The following KIAA1549 variants were observed in gnomAD, a reference collection of about 807,000 sequenced individuals.
KIAA1549 encodes the protein UPF0606 protein KIAA1549.
KIAA1549 carries 70 observed loss-of-function variants against 156.4 expected under a neutral mutation model. The ratio of observed to expected loss-of-function variants is 0.45; its 90% CI spans 0.37 to 0.55. The LOEUF is 0.55. Among genes scored for constraint, KIAA1549 ranks in the 20% least tolerant of loss-of-function variants. The pLI is 0.00. For missense variants in KIAA1549, 2,428 were observed against 2,540.9 expected (o/e 0.96, Z 0.96); for synonymous variants, 1,103 against 1,066.4 (o/e 1.03, Z -0.67).
At chr7:138,955,761 T>A (rs117261308) in intron 1 of KIAA1549, among the ~76,000 whole-genome samples, 3,522 of 152,310 alleles carry the variant, frequency 0.023, 67 homozygotes, top group Admixed American at 0.038. Context: ...AGATGATTAT[T>A]TTCTACTAAA....
chr7:138,941,752 G>A (rs922251180), intron 1 of KIAA1549, among the ~76,000 whole-genome samples: 8 of 152,192 alleles, frequency 5.3e-5, no homozygotes, highest in African/African-American at 1.9e-4. Context: ...CCACTCAGGA[G>A]AGCAATTAGC....
intron 10 of KIAA1549, among the ~76,000 whole-genome samples, chr7:138,887,689 A>G (rs996165321): frequency 1.3e-5 from 2 of 152,258 alleles, no homozygotes; most frequent in African/African-American, 4.8e-5. Context: ...CCTCGGGAAC[A>G]TCAAATAAAA....
intron 15 of KIAA1549, among the ~76,000 whole-genome samples, chr7:138,864,348 T>A (rs950795793): frequency 1.3e-5 from 2 of 152,112 alleles, no homozygotes; most frequent in Admixed American, 1.3e-4. Flanking sequence ...GATCTGCAGA[T>A]GGGAAGGACA....
intron 12 of KIAA1549, among the ~76,000 whole-genome samples, chr7:138,877,940 G>C (rs896572920): frequency 1.3e-5 from 2 of 152,092 alleles, no homozygotes; most frequent in Non-Finnish European, 2.9e-5. Context: ...CTGAAAGTAA[G>C]GTTTTCTCAG....
chr7:138,833,337 G>A lies in KIAA1549; in HGVS notation c.*4569C>T, dbSNP rs1354512685. The A allele has an allele frequency of 1.3e-5, 3 of 232,522 alleles. No individual in the cohort carries two copies. Among genetic ancestry groups the A allele is most frequent in the Non-Finnish European group, 2.5e-5 (3 of 117,664 alleles). 14.4% of individuals were successfully genotyped at this position (232,522 alleles called of 1,614,324 possible). On this transcript the variant is annotated 3_prime_UTR_variant, in exon 20 of 20. Coordinates refer to ENST00000422774, the MANE Select transcript of KIAA1549 (RefSeq NM_001164665.2). ...AACTAATTTGTGAATTACTGCCAATGCACTGCAAATCAGTGTCCGAATGAC... is the reference window on the plus strand; with the variant it reads ...AACTAATTTGTGAATTACTGCCAATACACTGCAAATCAGTGTCCGAATGAC...
At chr7:138,925,347 T>C (rs1812682145) in intron 1 of KIAA1549, among the ~76,000 whole-genome samples, 2 of 152,228 alleles carry the variant, frequency 1.3e-5, no homozygotes, top group South Asian at 4.1e-4. Context: ...TAATAGATCC[T>C]TTAAGACCTA....
chr7:138,957,645 T>C (rs1813707947), intron 1 of KIAA1549, among the ~76,000 whole-genome samples: 1 of 151,976 alleles, frequency 6.6e-6, no homozygotes, highest in African/African-American at 2.4e-5. Context: ...ACCCAGCTAA[T>C]TCTTGTATTT....
At chr7:138,882,357 C>T (rs1041972165) in intron 10 of KIAA1549, among the ~76,000 whole-genome samples, 3 of 152,162 alleles carry the variant, frequency 2.0e-5, no homozygotes, top group East Asian at 1.9e-4. Flanking sequence ...GTGAATTTCA[C>T]GTGAAGAGTG....
chr7:138,880,823 C>T (rs1002289461), intron 11 of KIAA1549, among the ~76,000 whole-genome samples: 9 of 152,126 alleles, frequency 5.9e-5, no homozygotes, highest in East Asian at 5.8e-4. Flanking sequence ...GAATGGGGAG[C>T]GAGGCAGGGA....
In KIAA1549 at chr7:138,918,008, A is replaced by G; in HGVS notation, c.1618T>C (p.Ser540Pro). The G allele has an allele frequency of 6.2e-7, 1 of 1,603,342 alleles. No homozygotes were observed. The highest frequency in any genetic ancestry group is 8.5e-7 in the Non-Finnish European group (1 of 1,174,872). ...VPASLDPTAG[S>P]LSVAETQVTP... Reference sequence around the variant, plus strand: ...ACTTGGGTTTCAGCAACAGACAAGGAGCCAGCAGTAGGATCAAGTGACGCC... The same window carrying G: ...ACTTGGGTTTCAGCAACAGACAAGGGGCCAGCAGTAGGATCAAGTGACGCC... The change falls in exon 2 of 20, where the codon TCC (serine) becomes CCC (proline). Residue 540 changes from serine to proline, a missense_variant. Around this residue, in one of 5 missense-constraint regions of KIAA1549, gnomAD observed 893 missense variants for 847.9 expected, o/e 1.05. Transcript: ENST00000422774. This position sits in a 1 kb window ranked among gnomAD's most constrained non-coding sequence, Gnocchi z 4.2.
chr7:138,911,623 A>T (rs746676513), intron 3 of KIAA1549, among the ~76,000 whole-genome samples: 4 of 152,234 alleles, frequency 2.6e-5, no homozygotes, highest in Non-Finnish European at 4.4e-5. Context: ...TATCCTATTG[A>T]GCAGCACTGT....
intron 10 of KIAA1549, 101 bp downstream of exon 10, chr7:138,894,241 C>A: frequency 8.8e-7 from 1 of 1,140,834 alleles, no homozygotes; most frequent in Admixed American, 2.0e-5. Context: ...CATAATAGCC[C>A]TCCCTCTTCC....
At chr7:138,959,541 A>T (rs1271062440) in intron 1 of KIAA1549, among the ~76,000 whole-genome samples, 1 of 152,246 alleles carries the variant, frequency 6.6e-6, no homozygotes, top group Non-Finnish European at 1.5e-5. Context: ...ATGGAGAAAA[A>T]TGTCATCTTT....
At chr7:138,952,620 T>TA (rs1053151339) in intron 1 of KIAA1549, among the ~76,000 whole-genome samples, 1 of 152,220 alleles carries the variant, frequency 6.6e-6, no homozygotes, top group African/African-American at 2.4e-5. Context: ...CAGCTGCTAA[T>TA]ACAATAACCG....
chr7:138,892,151 C>T (rs759364718), intron 10 of KIAA1549, among the ~76,000 whole-genome samples: 6 of 152,186 alleles, frequency 3.9e-5, no homozygotes, highest in Non-Finnish European at 8.8e-5. Context: ...AAGAGCAGCT[C>T]TAAGGGCTGG....
chr7:138,971,264 T>TC (rs1437086964), intron 1 of KIAA1549, among the ~76,000 whole-genome samples: 1 of 152,006 alleles, frequency 6.6e-6, no homozygotes. Context: ...AAGCTCCTGA[T>TC]CCCCCCACGC....
At chr7:138,900,779 G>A (rs4131489) in intron 8 of KIAA1549, among the ~76,000 whole-genome samples, 96,152 of 152,118 alleles carry the variant, frequency 0.63, 31,360 homozygotes, top group East Asian at 0.89. Context: ...TTCCTCTCTC[G>A]CCATGTGATT....
At chr7:138,863,943 GT>G (rs1810660595) in intron 15 of KIAA1549, among the ~76,000 whole-genome samples, 1 of 152,172 alleles carries the variant, frequency 6.6e-6, no homozygotes, top group Non-Finnish European at 1.5e-5. Flanking sequence ...TCCTTTCCTT[GT>G]GAGGTGGATA....
intron 1 of KIAA1549, among the ~76,000 whole-genome samples, chr7:138,951,808 C>T (rs1813507572): frequency 6.6e-6 from 1 of 152,170 alleles, no homozygotes; most frequent in Non-Finnish European, 1.5e-5. Flanking sequence ...ATACATATGT[C>T]TAAGCAACAT....
Sources: allele counts gnomAD v4.1 joint callset (sites outside exome capture counted in the v4.1 genomes callset), GRCh38; gene constraint gnomAD v4.1.1; regional missense constraint gnomAD v4.1.1; non-coding constraint Gnocchi (gnomAD v3.1); transcripts MANE v1.5; gene names NCBI Gene and HGNC (gene_info 2026-07-23, HGNC 2026-07-21).